Variants in NRXN1 observed in about 807,000 individuals in gnomAD.
The protein encoded by NRXN1 is neurexin-1.
Under a neutral mutation model 150.9 loss-of-function variants are expected in NRXN1, and 39 were observed. That is an observed-to-expected ratio of 0.26 (90% CI 0.20 to 0.34). The LOEUF is 0.34. NRXN1 is among the 10% of genes least tolerant of loss of function. The pLI is 1.00. For missense variants in NRXN1, 1,815 were observed against 1,949.9 expected, an observed-to-expected ratio of 0.93 and a Z score of 1.30; for synonymous variants, 924 against 757.0, an observed-to-expected ratio of 1.22 and a Z score of -3.62.
At chr2:50,046,931 A>G (rs1260794464) in intron 21 of NRXN1, among the ~76,000 whole-genome samples, 2 of 152,170 alleles carry the variant, frequency 1.3e-5, no homozygotes, top group African/African-American at 4.8e-5. Flanking sequence ...ACAAAACTCA[A>G]CTTCACTCAT....
chr2:50,033,532 C>A lies in NRXN1; in HGVS notation c.4128+19739G>T, dbSNP rs933320362. On this transcript the variant is annotated intron_variant, in intron 21 of 22. Coordinates refer to ENST00000401669, the MANE Select transcript of NRXN1 (RefSeq NM_001330078.2). ...CCCAAACTACAAAAACCCTGGAAGA[C>A]AACCTATGCAATACCATTCTCGACA... Among the ~76,000 whole-genome samples the A allele has an allele frequency of 5.3e-5, 8 of 151,998 alleles. No homozygotes were observed. In the South Asian group the frequency reaches 6.2e-4, roughly 12 times the overall value.
chr2:50,183,165 A>G (rs927108884), intron 18 of NRXN1, among the ~76,000 whole-genome samples: 1 of 152,098 alleles, frequency 6.6e-6, no homozygotes, highest in Non-Finnish European at 1.5e-5. Flanking sequence ...TGAAGAGGAA[A>G]AGACAGGAAA....
chr2:50,095,999 A>G (rs565606364), intron 18 of NRXN1, among the ~76,000 whole-genome samples: 188 of 131,746 alleles, frequency 1.4e-3, no homozygotes, highest in Non-Finnish European at 2.3e-3. Flanking sequence ...AAGTGTTCTC[A>G]TATCATTTGA....
chr2:50,171,138 G>C (rs2060005149), intron 18 of NRXN1, among the ~76,000 whole-genome samples: 1 of 151,932 alleles, frequency 6.6e-6, no homozygotes, highest in Non-Finnish European at 1.5e-5. Context: ...AGAAGGAAGA[G>C]GAGGGGCTGA....
At chr2:50,687,257 C>G (rs1389599010) in intron 5 of NRXN1, among the ~76,000 whole-genome samples, 1 of 152,112 alleles carries the variant, frequency 6.6e-6, no homozygotes, top group African/African-American at 2.4e-5. Flanking sequence ...TTTCTCTGTA[C>G]CTGAAGCTTA....
chr2:50,950,442 G>A (rs920231394), intron 2 of NRXN1, among the ~76,000 whole-genome samples: 17 of 152,122 alleles, frequency 1.1e-4, no homozygotes, highest in African/African-American at 1.9e-4. Context: ...AATTTCTTCC[G>A]TTAAAGAGAA....
At chr2:50,957,713 A>G (rs2104655584) in intron 2 of NRXN1, among the ~76,000 whole-genome samples, 1 of 152,308 alleles carries the variant, frequency 6.6e-6, no homozygotes, top group Non-Finnish European at 1.5e-5. Flanking sequence ...GAAGAGAAAA[A>G]GTGATTTATT....
intron 17 of NRXN1, among the ~76,000 whole-genome samples, chr2:50,333,067 C>CATATGGACTGGACCCTTTCAGT (rs1453041546): frequency 1.3e-5 from 2 of 152,178 alleles, no homozygotes; most frequent in Non-Finnish European, 2.9e-5. Context: ...TTAGCAAGTC[C>CATATGGACTGGACCCTTTCAGT]ATATGGACTG....
intron 5 of NRXN1, among the ~76,000 whole-genome samples, chr2:50,916,291 T>C (rs1222124976): frequency 6.6e-6 from 1 of 151,140 alleles, no homozygotes; most frequent in Non-Finnish European, 1.5e-5. Context: ...GACAATATTA[T>C]ATTATTATAT....
intron 5 of NRXN1, among the ~76,000 whole-genome samples, chr2:50,794,361 T>C (rs1395431395): frequency 1.3e-5 from 2 of 152,096 alleles, no homozygotes; most frequent in African/African-American, 4.8e-5. Flanking sequence ...GGCTGTGAAA[T>C]AGATGTCCCT....
At chr2:50,517,594 T>C (rs10189177) in intron 12 of NRXN1, among the ~76,000 whole-genome samples, 51,457 of 151,930 alleles carry the variant, frequency 0.34, 9,412 homozygotes, top group Middle Eastern at 0.52. Context: ...TTGGAGAACT[T>C]GAGTAACTCA....
intron 5 of NRXN1, among the ~76,000 whole-genome samples, chr2:50,886,748 G>T (rs1680310460): frequency 6.6e-6 from 1 of 151,290 alleles, no homozygotes; most frequent in Non-Finnish European, 1.5e-5. Flanking sequence ...CTCATATACT[G>T]CCTGGCAAAT....
At chr2:50,642,298 T>A (rs965111670) in intron 5 of NRXN1, among the ~76,000 whole-genome samples, 1 of 151,978 alleles carries the variant, frequency 6.6e-6, no homozygotes, top group African/African-American at 2.4e-5. Flanking sequence ...GCTATGGAAC[T>A]TAAAAAGAAG....
intron 5 of NRXN1, among the ~76,000 whole-genome samples, chr2:50,782,244 G>A (rs532151827): frequency 1.9e-4 from 29 of 152,080 alleles, no homozygotes; most frequent in African/African-American, 6.7e-4. Flanking sequence ...CGAGGAAGGC[G>A]GATCACTTGA....
At chr2:50,359,220 C>T (rs1274120288) in intron 17 of NRXN1, among the ~76,000 whole-genome samples, 1 of 151,958 alleles carries the variant, frequency 6.6e-6, no homozygotes, top group Non-Finnish European at 1.5e-5. Flanking sequence ...ACCACAGCCC[C>T]CTGCAAGCAA....
In NRXN1 at chr2:50,495,915, T is replaced by G; in HGVS notation, c.3060A>C (p.Leu1020Phe). The change falls in exon 15 of 23, where the codon TTA becomes TTC. Residue 1020 changes from leucine (L) to phenylalanine (F), a missense_variant. Around this residue, in one of 6 missense-constraint regions of NRXN1, gnomAD observed 339 missense variants for 440.3 expected, o/e 0.77. Transcript: ENST00000401669. ...TTAACATGCACTTACTCTTGAGGTC[T>G]AAGTTCCTGGCTCCGGCGGTGATTT... ...TTQITAGARN[L>F]DLKSDLYIGG... 2 of 1,603,362 alleles carry G rather than the reference T, an allele frequency of 1.2e-6. No homozygotes were observed. Among genetic ancestry groups the G allele is most frequent in the Non-Finnish European group, 1.7e-6 (2 of 1,174,060 alleles).
At chr2:50,422,972 C>T (rs1451340978) in intron 17 of NRXN1, among the ~76,000 whole-genome samples, 1 of 152,146 alleles carries the variant, frequency 6.6e-6, no homozygotes, top group African/African-American at 2.4e-5. Flanking sequence ...CACCACATTC[C>T]ATGGAAAACG....
chr2:50,839,850 G>C (rs1418331034), intron 5 of NRXN1, among the ~76,000 whole-genome samples: 1 of 152,074 alleles, frequency 6.6e-6, no homozygotes, highest in Non-Finnish European at 1.5e-5. Context: ...AATAAGGCGG[G>C]GAGCAAAATT....
At chr2:50,831,043 T>A (rs1040387075) in intron 5 of NRXN1, among the ~76,000 whole-genome samples, 5 of 152,208 alleles carry the variant, frequency 3.3e-5, no homozygotes, top group Non-Finnish European at 7.3e-5. Flanking sequence ...AAGCACATCA[T>A]GGAAAATGGG....
Sources: allele counts gnomAD v4.1 joint callset (sites outside exome capture counted in the v4.1 genomes callset), GRCh38; gene constraint gnomAD v4.1.1; regional missense constraint gnomAD v4.1.1; transcripts MANE v1.5; gene names NCBI Gene and HGNC (gene_info 2026-07-23, HGNC 2026-07-21).